The following TCF7L2 variants were observed in gnomAD, a reference collection of about 807,000 sequenced individuals.
TCF7L2 encodes transcription factor 7 like 2.
Under a neutral mutation model 77.9 loss-of-function variants are expected in TCF7L2, and 23 were observed. The ratio of observed to expected loss-of-function variants is 0.30; its 90% CI spans 0.21 to 0.42. TCF7L2 has a LOEUF of 0.42. Ranked by LOEUF, TCF7L2 falls within the 10% of genes least tolerant of loss-of-function variation. TCF7L2 has a pLI of 1.00. For synonymous variants in TCF7L2, 413 were observed against 340.2 expected, an observed-to-expected ratio of 1.21 and a Z score of -2.36; for missense variants, 654 against 793.1, an observed-to-expected ratio of 0.82 and a Z score of 2.11.
intron 5 of TCF7L2, among the ~76,000 whole-genome samples, chr10:113,099,385 G>C (rs144978092): frequency 4.6e-5 from 7 of 152,142 alleles, no homozygotes; most frequent in Non-Finnish European, 1.0e-4. Flanking sequence ...GTCCCCCCAG[G>C]CTGTCCTCAC....
At chr10:113,092,992 C>T (rs1219689463) in intron 5 of TCF7L2, among the ~76,000 whole-genome samples, 3 of 152,210 alleles carry the variant, frequency 2.0e-5, no homozygotes, top group African/African-American at 7.2e-5. Flanking sequence ...GTCGTCAGAA[C>T]TAAGTTTGAG....
At chr10:113,094,030 C>T (rs558721841) in intron 5 of TCF7L2, among the ~76,000 whole-genome samples, 1 of 152,350 alleles carries the variant, frequency 6.6e-6, no homozygotes, top group South Asian at 2.1e-4. Context: ...TTGTGGTTGA[C>T]CTACCCTTTT....
At chr10:112,953,806 A>C (rs915795275) in intron 3 of TCF7L2, among the ~76,000 whole-genome samples, 1 of 152,214 alleles carries the variant, frequency 6.6e-6, no homozygotes, top group African/African-American at 2.4e-5. Context: ...GACGGCGTCT[A>C]GTTATTTTAA....
At chr10:113,075,654 C>T (rs927230772) in intron 5 of TCF7L2, among the ~76,000 whole-genome samples, 3 of 152,078 alleles carry the variant, frequency 2.0e-5, no homozygotes, top group Admixed American at 6.5e-5. Flanking sequence ...AGTAGCTTCT[C>T]AAGCTGTGAA....
intron 4 of TCF7L2, among the ~76,000 whole-genome samples, chr10:113,015,995 G>A (rs867632325): frequency 4.2e-4 from 64 of 152,170 alleles, no homozygotes; most frequent in African/African-American, 1.4e-3. Context: ...TGAGGGTAAC[G>A]CAGTAATAAA....
intron 5 of TCF7L2, among the ~76,000 whole-genome samples, chr10:113,084,919 A>G (rs1457705496): frequency 6.6e-6 from 1 of 151,830 alleles, no homozygotes; most frequent in Non-Finnish European, 1.5e-5. Context: ...CCAAAAAAAA[A>G]AAACAAAAAA....
intron 5 of TCF7L2, among the ~76,000 whole-genome samples, chr10:113,110,494 AC>A (rs2062989980): frequency 6.6e-6 from 1 of 151,688 alleles, no homozygotes; most frequent in Non-Finnish European, 1.5e-5. Flanking sequence ...ATATATTTAT[AC>A]GTGAGACACA....
chr10:112,991,598 G>A (rs1285981682), intron 4 of TCF7L2, among the ~76,000 whole-genome samples: 1 of 151,802 alleles, frequency 6.6e-6, no homozygotes, highest in Non-Finnish European at 1.5e-5. Flanking sequence ...ACCGCCAAGG[G>A]GAGTCAGGCT....
At chr10:113,033,918 A>C (rs1210057912) in intron 4 of TCF7L2, among the ~76,000 whole-genome samples, 3 of 152,222 alleles carry the variant, frequency 2.0e-5, no homozygotes, top group African/African-American at 7.2e-5. Flanking sequence ...ATATTTGATC[A>C]ATGCTAACTT....
At chr10:113,124,626 G>T (rs1023744222) in intron 5 of TCF7L2, among the ~76,000 whole-genome samples, 1 of 152,108 alleles carries the variant, frequency 6.6e-6, no homozygotes, top group Non-Finnish European at 1.5e-5. Flanking sequence ...CATAGATATA[G>T]ATGTTGAGAT....
At chr10:112,978,128 A>T (rs1260365769) in intron 4 of TCF7L2, among the ~76,000 whole-genome samples, 3 of 152,220 alleles carry the variant, frequency 2.0e-5, no homozygotes, top group African/African-American at 7.2e-5. Flanking sequence ...ATTTAAATTG[A>T]TATCTTGGGG....
chr10:112,971,047 G>A (rs924440173), intron 4 of TCF7L2, among the ~76,000 whole-genome samples: 1 of 152,142 alleles, frequency 6.6e-6, no homozygotes, highest in African/African-American at 2.4e-5. Flanking sequence ...AACCTAATTA[G>A]CTAATTTAAG....
intron 5 of TCF7L2, among the ~76,000 whole-genome samples, chr10:113,124,190 C>G (rs1393630484): frequency 1.8e-5 from 1 of 57,054 alleles, no homozygotes; most frequent in South Asian, 3.3e-4. Flanking sequence ...AAAGTAGAAA[C>G]CTTAAAAAAA....
intron 5 of TCF7L2, among the ~76,000 whole-genome samples, chr10:113,060,727 G>A (rs181074537): frequency 6.6e-6 from 1 of 152,122 alleles, no homozygotes; most frequent in East Asian, 1.9e-4. Flanking sequence ...AGTGTAAATT[G>A]GTACGCTGTG....
At chr10:113,053,987 C>A (rs547029047) in intron 5 of TCF7L2, among the ~76,000 whole-genome samples, 1 of 151,906 alleles carries the variant, frequency 6.6e-6, no homozygotes, top group Admixed American at 6.5e-5. Flanking sequence ...CTTAATCAGG[C>A]ACACATACAG....
At chr10:112,965,566 G>A (rs2036541417) in intron 4 of TCF7L2, among the ~76,000 whole-genome samples, 1 of 151,964 alleles carries the variant, frequency 6.6e-6, no homozygotes, top group South Asian at 2.1e-4. Context: ...GATCATTTGT[G>A]TTATTCCATG....
At chr10:113,064,385 A>G (rs1395957291) in intron 5 of TCF7L2, among the ~76,000 whole-genome samples, 1 of 152,230 alleles carries the variant, frequency 6.6e-6, no homozygotes, top group Non-Finnish European at 1.5e-5. Context: ...CTTTTTCTGT[A>G]GGCCAGGCTG....
At chr10:113,146,986 C>T (rs2069585462) in intron 8 of TCF7L2, among the ~76,000 whole-genome samples, 1 of 152,172 alleles carries the variant, frequency 6.6e-6, no homozygotes, top group African/African-American at 2.4e-5. Flanking sequence ...ACATTCCTAT[C>T]CCCATGTTCT....
At chr10:113,018,357 T>C (rs1204214164) in intron 4 of TCF7L2, among the ~76,000 whole-genome samples, 1 of 151,898 alleles carries the variant, frequency 6.6e-6, no homozygotes, top group African/African-American at 2.4e-5. Context: ...GTGAGTGGTC[T>C]TCTCAGGCCT....
Sources: allele counts gnomAD v4.1 joint callset (sites outside exome capture counted in the v4.1 genomes callset), GRCh38; gene constraint gnomAD v4.1.1; transcripts MANE v1.5; gene names NCBI Gene and HGNC (gene_info 2026-07-23, HGNC 2026-07-21).